Variants in SYT16 observed in about 807,000 individuals in gnomAD.
SYT16 encodes the protein synaptotagmin 16.
SYT16 carries 42 observed loss-of-function variants against 61.4 expected under a neutral mutation model. That is an observed-to-expected ratio of 0.68 (90% CI 0.53 to 0.89). SYT16 has a LOEUF of 0.89. SYT16 is among the 40% of genes least tolerant of loss of function. The probability of loss-of-function intolerance (pLI) is 0.00; values close to 1 mark genes in which losing one functional copy is unlikely to be tolerated. For missense variants in SYT16, 804 were observed against 807.3 expected (o/e 1.00, Z 0.05); for synonymous variants, 314 against 302.3 (o/e 1.04, Z -0.40).
intron 1 of SYT16, among the ~76,000 whole-genome samples, chr14:61,874,793 T>G (rs1358317871): frequency 7.2e-5 from 11 of 152,106 alleles, no homozygotes; most frequent in Admixed American, 4.6e-4. Context: ...TTTTACATGT[T>G]CTAACACTTT....
intron 1 of SYT16, among the ~76,000 whole-genome samples, chr14:61,915,954 A>C (rs2049106375): frequency 6.6e-6 from 1 of 152,232 alleles, no homozygotes; most frequent in African/African-American, 2.4e-5. Context: ...GTACAACGTG[A>C]ATTCAACCTA....
intron 2 of SYT16, among the ~76,000 whole-genome samples, chr14:61,985,633 G>C (rs576810646): frequency 6.6e-6 from 1 of 152,154 alleles, no homozygotes; most frequent in South Asian, 2.1e-4. Flanking sequence ...CTCTGAAAAA[G>C]GTATGAAGAT....
intron 1 of SYT16, among the ~76,000 whole-genome samples, chr14:61,869,089 C>T (rs2047247509): frequency 6.6e-6 from 1 of 152,024 alleles, no homozygotes. Flanking sequence ...AGTATAGCCA[C>T]TCAGCTTTAT....
chr14:61,964,971 C>T (rs182487791), intron 1 of SYT16, among the ~76,000 whole-genome samples: 67 of 151,736 alleles, frequency 4.4e-4, no homozygotes, highest in African/African-American at 1.6e-3. Flanking sequence ...CCTGCTATTG[C>T]ACATTTAAGA....
intron 2 of SYT16, among the ~76,000 whole-genome samples, chr14:61,974,824 T>C (rs1337476069): frequency 6.6e-6 from 1 of 152,244 alleles, no homozygotes; most frequent in Admixed American, 6.5e-5. Flanking sequence ...GCAAAGCTAG[T>C]GCTCAGCTGG....
chr14:62,069,991 GCA>G (rs1330998554), intron 4 of SYT16, among the ~76,000 whole-genome samples, 176 bp downstream of exon 4: 4 of 152,216 alleles, frequency 2.6e-5, no homozygotes, highest in Non-Finnish European at 5.9e-5. Context: ...GGACTGCCAT[GCA>G]GGAGGTTGAG....
chr14:62,017,098 G>C (rs369867267), intron 3 of SYT16, among the ~76,000 whole-genome samples: 112 of 152,260 alleles, frequency 7.4e-4, no homozygotes, highest in African/African-American at 2.3e-3. Context: ...CTTTTGGGTT[G>C]CTCTGTTTTA....
intron 1 of SYT16, among the ~76,000 whole-genome samples, chr14:61,849,282 G>T (rs550957212): frequency 1.3e-5 from 2 of 152,282 alleles, no homozygotes; most frequent in South Asian, 4.1e-4. Flanking sequence ...TGGAGTTGGG[G>T]GAGGGCTGAC....
At chr14:62,016,357 A>G (rs988333964) in intron 3 of SYT16, among the ~76,000 whole-genome samples, 2 of 152,146 alleles carry the variant, frequency 1.3e-5, no homozygotes, top group African/African-American at 4.8e-5. Context: ...TAAGATCATC[A>G]TCATTTGAGT....
At chr14:61,929,831 A>G (rs1400185957) in intron 1 of SYT16, among the ~76,000 whole-genome samples, 3 of 152,208 alleles carry the variant, frequency 2.0e-5, no homozygotes, top group Admixed American at 6.5e-5. Flanking sequence ...ATGTTGCTCA[A>G]TTGCCTTTTT....
chr14:61,922,509 C>G (rs1048048366), intron 1 of SYT16, among the ~76,000 whole-genome samples: 4 of 152,046 alleles, frequency 2.6e-5, no homozygotes, highest in South Asian at 2.1e-4. Context: ...AACAGGGAAA[C>G]AACAGGTACT....
At chr14:62,076,443 TAAAA>T (rs11336905) in intron 5 of SYT16, among the ~76,000 whole-genome samples, 10 of 143,978 alleles carry the variant, frequency 6.9e-5, no homozygotes, top group African/African-American at 2.5e-4. Context: ...ATGCTCAAGG[TAAAA>T]AAAAAAAAAG....
chr14:61,830,865 G>T (rs554225341), intron 1 of SYT16, among the ~76,000 whole-genome samples: 19 of 152,282 alleles, frequency 1.2e-4, no homozygotes, highest in African/African-American at 4.6e-4. Context: ...AGGAGAAGGC[G>T]TGCTACTTCT....
At chr14:61,888,751 C>T (rs1219854209) in intron 1 of SYT16, among the ~76,000 whole-genome samples, 1 of 146,832 alleles carries the variant, frequency 6.8e-6, no homozygotes, top group Admixed American at 6.8e-5. Flanking sequence ...TGCAGGGTTG[C>T]CAACAACCTT....
At chr14:62,008,573 C>A (rs1301384707) in intron 3 of SYT16, among the ~76,000 whole-genome samples, 1 of 151,238 alleles carries the variant, frequency 6.6e-6, no homozygotes, top group Non-Finnish European at 1.5e-5. Context: ...TTTCTCTACT[C>A]ACTGGGGTAA....
intron 3 of SYT16, among the ~76,000 whole-genome samples, chr14:62,028,108 T>C (rs2054169926): frequency 6.6e-6 from 1 of 152,120 alleles, no homozygotes; most frequent in Non-Finnish European, 1.5e-5. Context: ...TGGCTGGGTT[T>C]TGGAAGGCAG....
At chr14:62,099,792 C>T (rs1032768389) in intron 7 of SYT16, among the ~76,000 whole-genome samples, 22 of 152,060 alleles carry the variant, frequency 1.4e-4, no homozygotes, top group African/African-American at 4.8e-4. Flanking sequence ...GGGGTAGGAT[C>T]GCTTTGGGCC....
At chr14:62,049,269 G>T (rs1168144872) in intron 3 of SYT16, among the ~76,000 whole-genome samples, 1 of 152,126 alleles carries the variant, frequency 6.6e-6, no homozygotes, top group African/African-American at 2.4e-5. Flanking sequence ...TTGGTTTAAA[G>T]TCTGTTTTAT....
chr14:61,817,774 T>C (rs1566605328), intron 1 of SYT16, among the ~76,000 whole-genome samples: 1 of 152,258 alleles, frequency 6.6e-6, no homozygotes, highest in Non-Finnish European at 1.5e-5. Flanking sequence ...GTGTTAAATT[T>C]CTTAAATTTG....
Sources: allele counts gnomAD v4.1 joint callset (sites outside exome capture counted in the v4.1 genomes callset), GRCh38; gene constraint gnomAD v4.1.1; transcripts MANE v1.5; gene names NCBI Gene and HGNC (gene_info 2026-07-23, HGNC 2026-07-21).